MGAT1: variants seen among roughly 807,000 people sequenced by gnomAD.
MGAT1 encodes N-glycosyl-oligosaccharide-glycoprotein N-acetylglucosaminyltransferase I.
Under a neutral mutation model 31.7 loss-of-function variants are expected in MGAT1, and 14 were observed. The ratio of observed to expected loss-of-function variants is 0.44; its 90% CI spans 0.29 to 0.69. The LOEUF is 0.69. Ranked by LOEUF, MGAT1 falls within the 30% of genes least tolerant of loss-of-function variation. The pLI is 0.12. For missense variants in MGAT1, 557 were observed against 626.0 expected, an observed-to-expected ratio of 0.89 and a Z score of 1.18; for synonymous variants, 338 against 276.0, an observed-to-expected ratio of 1.22 and a Z score of -2.23.
intron 1 of MGAT1, among the ~76,000 whole-genome samples, chr5:180,814,254 T>C (rs566368781): frequency 6.6e-6 from 1 of 152,348 alleles, no homozygotes; most frequent in East Asian, 1.9e-4. Context: ...TGCTATTTGT[T>C]AGGTGCCCTT....
Position 180,792,303 on chromosome 5 carries a change from C to T in MGAT1, c.669G>A (p.Arg223=). Reference sequence around the variant, plus strand: ...CGGCCTTCAGCAGCGGATAGGTGGCCCGAAAGTACTCGAAGAAGTCCGGGG... The same window carrying T: ...CGGCCTTCAGCAGCGGATAGGTGGCTCGAAAGTACTCGAAGAAGTCCGGGG... ...EVAPDFFEYF[R]ATYPLLKADP... The change falls in exon 2 of 2, where the codon CGG becomes CGA. Residue 223 remains arginine, a synonymous_variant. Transcript: ENST00000307826. 1.2e-6 allele frequency: 2 copies of T among 1,610,094 alleles called. No individual in the cohort carries two copies. The highest frequency in any genetic ancestry group is 1.7e-6 in the Non-Finnish European group (2 of 1,177,542).
At chr5:180,810,721 G>C (rs1772492873) in intron 1 of MGAT1, 1 of 152,002 alleles carries the variant, frequency 6.6e-6, no homozygotes, top group African/African-American at 2.4e-5. Context: ...AAGCCTTTCG[G>C]AAAGCACCGG....
At chr5:180,814,025 T>C (rs1357432618) in intron 1 of MGAT1, among the ~76,000 whole-genome samples, 1 of 152,204 alleles carries the variant, frequency 6.6e-6, no homozygotes. Context: ...GCAGTAAAAG[T>C]CTTCCCCAGT....
rs747678751 is a variant in MGAT1, at chr5:180,792,500, C to T, written c.472G>A (p.Ala158Thr). ...TCGGGCTGCCGGATGTGCGTGACCG[C>T]GCTGCCGTAGGAGGCGATGGCCTGG... The part of the protein sequence containing the change: ...TAQAIASYGS[A>T]VTHIRQPDLS... The change falls in exon 2 of 2, where the codon GCG becomes ACG. Residue 158 changes from alanine (A) to threonine (T), a missense_variant. Ala to Thr is a moderately conservative substitution (Grantham distance 58). Transcript: ENST00000307826. The T allele has an allele frequency of 3.7e-5, 59 of 1,612,688 alleles. No homozygotes were observed. The South Asian group carries it at 5.5e-4, about 15-fold the overall frequency.
intron 1 of MGAT1, among the ~76,000 whole-genome samples, chr5:180,801,792 C>T (rs1197656199): frequency 2.0e-5 from 3 of 152,168 alleles, no homozygotes; most frequent in Non-Finnish European, 2.9e-5. Flanking sequence ...CCTACTGCCC[C>T]GAACAGTAAT....
chr5:180,796,573 G>A (rs1442369205), intron 1 of MGAT1, among the ~76,000 whole-genome samples: 1 of 152,108 alleles, frequency 6.6e-6, no homozygotes, highest in African/African-American at 2.4e-5. Flanking sequence ...GAAAGTTTAT[G>A]TGGAAGAAAA....
intron 1 of MGAT1, chr5:180,809,671 A>T (rs1005974434): frequency 2.7e-5 from 4 of 150,854 alleles, no homozygotes; most frequent in African/African-American, 9.8e-5. Flanking sequence ...TCCCGAGAAC[A>T]CTCTCCTGGA....
upstream of MGAT1, among the ~76,000 whole-genome samples, chr5:180,807,502 AC>A (rs1772024811): frequency 6.6e-6 from 1 of 152,246 alleles, no homozygotes; most frequent in Non-Finnish European, 1.5e-5. Context: ...CTGGAAAAAA[AC>A]GTCATCTTAA....
At chr5:180,809,002 G>A (rs969690622) in exon 2 of MGAT1, 4 of 152,258 alleles carry the variant, frequency 2.6e-5, no homozygotes, top group Admixed American at 2.0e-4. Flanking sequence ...TGGCCCATCT[G>A]TCTTGTGCTG....
At chr5:180,794,893 C>T (rs868452802) in intron 1 of MGAT1, among the ~76,000 whole-genome samples, 1 of 152,142 alleles carries the variant, frequency 6.6e-6, no homozygotes, top group Admixed American at 6.5e-5. Context: ...TTGATGGTAA[C>T]TTTATTCATA....
chr5:180,791,476 CTCT>C lies in MGAT1; in HGVS notation c.*155_*157del. On this transcript the variant is annotated 3_prime_UTR_variant, in exon 2 of 2. Coordinates refer to ENST00000307826, the MANE Select transcript of MGAT1 (RefSeq NM_002406.4). ...CTCCCTTGAGAACGGGAGAATAATC[CTCT>C]TGTTATCATTTGTGCACTTAAATGC... 1.2e-6 allele frequency: 1 copy of C among 859,432 alleles called. No individual in the cohort carries two copies. The highest frequency in any genetic ancestry group is 1.8e-6 in the Non-Finnish European group (1 of 554,054). 53.2% of individuals were successfully genotyped at this position (859,432 alleles called of 1,614,324 possible).
At chr5:180,805,722 C>G (rs753888367), upstream of MGAT1, among the ~76,000 whole-genome samples, 2 of 151,906 alleles carry the variant, frequency 1.3e-5, no homozygotes, top group African/African-American at 2.4e-5. Context: ...TGCACTCCAG[C>G]CTGGGTGACA....
At chr5:180,796,586 G>C (rs1403070498) in intron 1 of MGAT1, among the ~76,000 whole-genome samples, 1 of 152,126 alleles carries the variant, frequency 6.6e-6, no homozygotes, top group African/African-American at 2.4e-5. Flanking sequence ...GAAGAAAAGA[G>C]TGATGCACAA....
intron 1 of MGAT1, among the ~76,000 whole-genome samples, chr5:180,800,033 G>A (rs1037271075): frequency 1.3e-5 from 2 of 152,164 alleles, no homozygotes; most frequent in Non-Finnish European, 2.9e-5. Context: ...TGACTGCAAT[G>A]GCGTGAAAGA....
chr5:180,796,282 C>T (rs1769352887), intron 1 of MGAT1, among the ~76,000 whole-genome samples: 1 of 152,306 alleles, frequency 6.6e-6, no homozygotes, highest in South Asian at 2.1e-4. Context: ...CCAGCATTCA[C>T]CACCAACCAC....
Position 180,791,466 on chromosome 5 carries a change from G to A in MGAT1, c.*168C>T. The A allele has an allele frequency of 2.5e-6, 2 of 814,416 alleles. No homozygotes were observed. The highest frequency in any genetic ancestry group is 3.6e-5 in the South Asian group (2 of 54,882). 50.4% of individuals were successfully genotyped at this position (814,416 alleles called of 1,614,324 possible). ...CCTGATCTGACTCCCTTGAGAACGG[G>A]AGAATAATCCTCTTGTTATCATTTG... On this transcript the variant is annotated 3_prime_UTR_variant, in exon 2 of 2. Transcript: ENST00000307826.
rs755241586 is a variant in MGAT1, at chr5:180,792,474, G to A, written c.498C>T (p.Asp166=). The change falls in exon 2 of 2, where the codon GAC becomes GAT. Residue 166 remains aspartate, a synonymous_variant. Coordinates refer to ENST00000307826, the MANE Select transcript of MGAT1 (RefSeq NM_002406.4). The part of the protein sequence containing the change: ...GSAVTHIRQP[D]LSSIAVPPDH... Reference sequence around the variant, plus strand: ...CCGGCGGCACCGCAATGCTGCTCAGGTCGGGCTGCCGGATGTGCGTGACCG... The same window carrying A: ...CCGGCGGCACCGCAATGCTGCTCAGATCGGGCTGCCGGATGTGCGTGACCG... 4 of 1,612,838 alleles carry A rather than the reference G, an allele frequency of 2.5e-6. No homozygotes were observed. Among genetic ancestry groups the A allele is most frequent in the Non-Finnish European group, 3.4e-6 (4 of 1,179,846 alleles).
At chr5:180,807,566 A>G (rs1278748155), upstream of MGAT1, among the ~76,000 whole-genome samples, 2 of 152,122 alleles carry the variant, frequency 1.3e-5, no homozygotes, top group Non-Finnish European at 2.9e-5. Context: ...ACCACCACTC[A>G]CTCCAAGAAA....
Position 180,787,543 on chromosome 5 carries a change from T to C in MGAT1, c.*4091A>G, listed in dbSNP as rs1767652104. ...ATGTTTTATCTATGCATATTATGTA[T>C]AGATGTGAGGAAGACGTCTGGAAGG... On this transcript the variant is annotated 3_prime_UTR_variant, in exon 2 of 2. Transcript: ENST00000307826. 1.3e-5 allele frequency: 2 copies of C among 152,236 alleles called. No individual in the cohort carries two copies. Among genetic ancestry groups the C allele is most frequent in the African/African-American group, 2.4e-5 (1 of 41,460 alleles). The allele number at this position is 152,236 out of a possible 1,614,324, so 9.4% of individuals were successfully genotyped here.
Sources: allele counts gnomAD v4.1 joint callset (sites outside exome capture counted in the v4.1 genomes callset), GRCh38; gene constraint gnomAD v4.1.1; transcripts MANE v1.5; gene names NCBI Gene and HGNC (gene_info 2026-07-23, HGNC 2026-07-21).